The following MDH1B variants were observed in gnomAD, a reference collection of about 807,000 sequenced individuals.
MDH1B encodes the protein malate dehydrogenase 1B.
In MDH1B, 60 loss-of-function variants were observed where a neutral mutation model predicts 61.4. The ratio of observed to expected loss-of-function variants is 0.98; its 90% CI spans 0.79 to 1.21. The LOEUF is 1.21. MDH1B is among the 50% of genes most tolerant of loss of function. The pLI is 0.00. For synonymous variants in MDH1B, 236 were observed against 218.7 expected (o/e 1.08, Z -0.70); for missense variants, 587 against 632.1 (o/e 0.93, Z 0.76).
At position 206,751,053 on chromosome 2, in the gene MDH1B, C is replaced by A; in HGVS notation, c.933G>T (p.Trp311Cys). The A allele has an allele frequency of 6.3e-7, 1 of 1,598,428 alleles. No homozygotes were observed. Among genetic ancestry groups the A allele is most frequent in the Non-Finnish European group, 8.6e-7 (1 of 1,169,540 alleles). The stretch of plus-strand genomic sequence containing the variant: ...CGTAATTATTTCCACTGATATTACC[C>A]CAAATGATCACGTCTTTAATGTCTG... ...APSYIKDVIIWGNISGNNYVD... is the reference protein window; with the variant it reads ...APSYIKDVIICGNISGNNYVD... Residue 311 changes from tryptophan to cysteine, a missense_variant, in exon 6 of 12, where the codon TGG becomes TGT. Trp to Cys is a radical substitution (Grantham distance 215, BLOSUM62 -2). Coordinates refer to ENST00000374412, the MANE Select transcript of MDH1B (RefSeq NM_001039845.3).
chr2:206,750,425 A>T, intron 6 of MDH1B, among the ~76,000 whole-genome samples: 1 of 148,536 alleles, frequency 6.7e-6, no homozygotes, highest in Non-Finnish European at 1.5e-5. Flanking sequence ...TGGAAATGGT[A>T]ACATGATGGT....
intron 9 of MDH1B, among the ~76,000 whole-genome samples, chr2:206,742,773 G>A (rs1035718271): frequency 1.4e-5 from 2 of 147,310 alleles, no homozygotes; most frequent in African/African-American, 5.0e-5. Context: ...CTGGAGTGCA[G>A]TGGTGCAATC....
In MDH1B at chr2:206,755,112, C is replaced by A. The variant is rs374037340; in HGVS notation, c.807G>T (p.Met269Ile). 24 of 1,614,122 alleles carry A rather than the reference C, an allele frequency of 1.5e-5. No individual in the cohort carries two copies. Among genetic ancestry groups the A allele is most frequent in the Non-Finnish European group, 1.9e-5 (23 of 1,180,044 alleles). Residue 269 changes from methionine (M) to isoleucine (I), a missense_variant, in exon 5 of 12, where the codon ATG becomes ATT. Physicochemically the swap from Met to Ile is conservative, Grantham distance 10 (BLOSUM62 1). Transcript: ENST00000374412. ...TGTGTGCAATGCGTGGGGCATATCT[C>A]ATGAGTAAAACTGTCTTCAGGTTTA... is the stretch of plus-strand genomic sequence containing the variant. ...TFVNLKTVLL[M>I]RYAPRIAHNI...
At chr2:206,750,096 C>T (rs6729613) in intron 6 of MDH1B, among the ~76,000 whole-genome samples, 57,422 of 151,556 alleles carry the variant, frequency 0.38, 13,194 homozygotes, top group East Asian at 0.76. Context: ...TAGGCAGGGG[C>T]GAAGCTCCTA....
chr2:206,745,881 G>A (rs186343790), intron 8 of MDH1B, among the ~76,000 whole-genome samples: 20 of 152,028 alleles, frequency 1.3e-4, no homozygotes, highest in Non-Finnish European at 2.9e-4. Context: ...TTATAGGCAT[G>A]TGCCACCATG....
At chr2:206,751,124 T>A in intron 5 of MDH1B, 49 bp from the exon 6 acceptor site, 1 of 1,361,618 alleles carries the variant, frequency 7.3e-7, no homozygotes, top group Non-Finnish European at 9.9e-7. Context: ...TATGTTAATA[T>A]AAAAAATTGC....
chr2:206,746,924 T>C (rs539173316), intron 7 of MDH1B, among the ~76,000 whole-genome samples: 3 of 152,282 alleles, frequency 2.0e-5, no homozygotes, highest in Admixed American at 2.0e-4. Context: ...TGGGGGATGA[T>C]TTCCTTTACA....
chr2:206,744,919 T>C (rs12467183), intron 9 of MDH1B, among the ~76,000 whole-genome samples: 43,390 of 151,086 alleles, frequency 0.29, 8,476 homozygotes, highest in East Asian at 0.57. Flanking sequence ...AGCAAGACTC[T>C]GTCTAAATAA....
Position 206,765,274 on chromosome 2 carries a change from T to A in MDH1B, c.-3A>T. The A allele has an allele frequency of 6.2e-7, 1 of 1,601,384 alleles. No homozygotes were observed. The highest frequency in any genetic ancestry group is 1.1e-5 in the South Asian group (1 of 89,388). On this transcript the variant is annotated 5_prime_UTR_variant, in exon 1 of 12. Transcript: ENST00000374412. Reference sequence around the variant, plus strand: ...CCCGCGATGACGAATTTGGCCATGGTCGAGAGAGACTCAGAGGCAGGGACC... The same window carrying A: ...CCCGCGATGACGAATTTGGCCATGGACGAGAGAGACTCAGAGGCAGGGACC...
intron 1 of MDH1B, among the ~76,000 whole-genome samples, chr2:206,763,599 T>C (rs1689233328): frequency 6.6e-6 from 1 of 152,172 alleles, no homozygotes; most frequent in African/African-American, 2.4e-5. Context: ...CTGGATAAAG[T>C]CTAAACTACT....
At chr2:206,740,724 A>G (rs7589011) in intron 10 of MDH1B, among the ~76,000 whole-genome samples, 2 of 152,186 alleles carry the variant, frequency 1.3e-5, no homozygotes, top group African/African-American at 4.8e-5. Context: ...GGAAGATGCT[A>G]TCTTGCCCTA....
chr2:206,744,514 T>C (rs1312813968), intron 9 of MDH1B, among the ~76,000 whole-genome samples: 1 of 152,212 alleles, frequency 6.6e-6, no homozygotes. Flanking sequence ...CCTCCCCTAT[T>C]TCTTATGAGT....
intron 1 of MDH1B, among the ~76,000 whole-genome samples, chr2:206,762,345 T>C (rs1689148323): frequency 6.6e-6 from 1 of 152,230 alleles, no homozygotes; most frequent in African/African-American, 2.4e-5. Flanking sequence ...TCTACATGCC[T>C]GTCTGTACTT....
At chr2:206,738,542 C>A (rs537503764) in intron 11 of MDH1B, 31 bp from the exon 12 acceptor site, 1 of 1,535,986 alleles carries the variant, frequency 6.5e-7, no homozygotes. Context: ...AAAGACATAA[C>A]TATTTCCAAA....
rs758040362 is a variant in MDH1B at position 206,755,388 on chromosome 2, G to A, written c.531C>T (p.Leu177=). 1.2e-6 allele frequency: 2 copies of A among 1,614,204 alleles called. No homozygotes were observed. The highest frequency in any genetic ancestry group is 1.7e-6 in the Non-Finnish European group (2 of 1,180,036). Residue 177 remains leucine, a synonymous_variant, in exon 5 of 12, where the codon CTC becomes CTT. Transcript: ENST00000374412. ...CTTGGGTCTCCACCACAAGGCTTTT[G>A]AGATGTTCTTCCGCCTGCTTGTTGT... The part of the protein sequence containing the change: ...LFDNKQAEEH[L]KSLVVETQDL...
At chr2:206,745,720 C>T in intron 8 of MDH1B, 47 bp from the exon 9 acceptor site, 1 of 1,015,906 alleles carries the variant, frequency 9.8e-7, no homozygotes, top group Non-Finnish European at 1.5e-6. Flanking sequence ...CAATTCCTAA[C>T]TTAATTCTTC....
chr2:206,741,220 A>G, intron 9 of MDH1B, 116 bp from the exon 10 acceptor site: 1 of 1,369,630 alleles, frequency 7.3e-7, no homozygotes, highest in Non-Finnish European at 1.0e-6. Context: ...GACCCACAAT[A>G]AAAGACACAT....
intron 4 of MDH1B, among the ~76,000 whole-genome samples, chr2:206,756,337 G>A (rs968168892): frequency 1.3e-5 from 2 of 152,106 alleles, no homozygotes; most frequent in East Asian, 3.8e-4. Context: ...GTAAGAGCAG[G>A]AAAAGTGCAA....
chr2:206,757,276 C>A lies in MDH1B; in HGVS notation c.231G>T (p.Leu77Phe). ...RELLDRGGKG[L>F]LLGGYNEFLE... Reference sequence around the variant, plus strand: ...GGAACTCATTATATCCTCCCAAAAGCAAACCCTTTCCTCCACGATCCAACA... The same window carrying A: ...GGAACTCATTATATCCTCCCAAAAGAAAACCCTTTCCTCCACGATCCAACA... Residue 77 changes from leucine to phenylalanine, a missense_variant, in exon 3 of 12, where the codon TTG becomes TTT. Coordinates refer to ENST00000374412, the MANE Select transcript of MDH1B (RefSeq NM_001039845.3). 1.9e-6 allele frequency: 3 copies of A among 1,614,054 alleles called. No homozygotes were observed. Among genetic ancestry groups the A allele is most frequent in the Non-Finnish European group, 2.5e-6 (3 of 1,179,936 alleles).
Sources: allele counts gnomAD v4.1 joint callset (sites outside exome capture counted in the v4.1 genomes callset), GRCh38; gene constraint gnomAD v4.1.1; transcripts MANE v1.5; gene names NCBI Gene and HGNC (gene_info 2026-07-23, HGNC 2026-07-21).